CFAP70: variants seen among roughly 807,000 people sequenced by gnomAD.
The protein encoded by CFAP70 is cilia and flagella associated protein 70.
A neutral mutation model predicts 137.6 loss-of-function variants in CFAP70; 81 were observed. The ratio of observed to expected loss-of-function variants is 0.59; its 90% CI spans 0.49 to 0.71. The LOEUF is 0.71. Among genes scored for constraint, CFAP70 ranks in the 30% least tolerant of loss-of-function variants. The pLI, the probability that CFAP70 is intolerant of heterozygous loss-of-function variation, is 0.00. For synonymous variants in CFAP70, 382 were observed against 423.6 expected, an observed-to-expected ratio of 0.90 and a Z score of 1.20; for missense variants, 976 against 1,226.7, an observed-to-expected ratio of 0.80 and a Z score of 3.05.
chr10:73,348,313 A>G, intron 4 of CFAP70, 78 bp from the exon 5 acceptor site: 1 of 1,546,158 alleles, frequency 6.5e-7, no homozygotes, highest in South Asian at 1.1e-5. Flanking sequence ...AAATGTGCCT[A>G]CTTTTCCCCT....
intron 2 of CFAP70, among the ~76,000 whole-genome samples, chr10:73,354,283 G>C (rs967981479): frequency 1.3e-5 from 2 of 152,120 alleles, no homozygotes; most frequent in Non-Finnish European, 2.9e-5. Context: ...TTAAAACAAA[G>C]TGGAGCTCAT....
intron 14 of CFAP70, among the ~76,000 whole-genome samples, chr10:73,297,865 G>T (rs967075906): frequency 6.6e-6 from 1 of 152,128 alleles, no homozygotes; most frequent in African/African-American, 2.4e-5. Flanking sequence ...GTTAGGTAAA[G>T]AAACTGAGGC....
chr10:73,265,166 A>C (rs1035095145), intron 25 of CFAP70, among the ~76,000 whole-genome samples: 1 of 152,162 alleles, frequency 6.6e-6, no homozygotes, highest in Admixed American at 6.5e-5. Context: ...TCTACTAAAA[A>C]TACAAAAAAT....
chr10:73,360,027 A>G (rs1279087341), upstream of CFAP70, among the ~76,000 whole-genome samples: 2 of 152,210 alleles, frequency 1.3e-5, no homozygotes, highest in African/African-American at 2.4e-5. Flanking sequence ...TGACAACTAA[A>G]TTCAATATGT....
At chr10:73,298,970 C>T (rs1479859623) in exon 14 of CFAP70, 1 of 1,613,950 alleles carries the variant, frequency 6.2e-7, no homozygotes, top group Non-Finnish European at 8.5e-7. Context: ...TGAGCTGGCA[C>T]TTCTGCTCCT....
chr10:73,255,662 A>G (rs2044414871), intron 26 of CFAP70, among the ~76,000 whole-genome samples: 1 of 151,998 alleles, frequency 6.6e-6, no homozygotes, highest in African/African-American at 2.4e-5. Context: ...ACGGAGCCTC[A>G]GCCTCCAGAG....
chr10:73,331,190 C>A (rs1017536115), exon 8 of CFAP70: 2 of 1,610,122 alleles, frequency 1.2e-6, no homozygotes, highest in Non-Finnish European at 1.7e-6. Flanking sequence ...TTCAGTTTTG[C>A]CAGCTTTCCC....
intron 25 of CFAP70, among the ~76,000 whole-genome samples, chr10:73,263,989 T>C (rs1396070982): frequency 3.9e-5 from 6 of 152,244 alleles, no homozygotes; most frequent in Non-Finnish European, 7.3e-5. Context: ...TAGATTCTTA[T>C]TTGTAATCCT....
At chr10:73,286,565 T>C (rs1426195317) in intron 19 of CFAP70, among the ~76,000 whole-genome samples, 1 of 152,030 alleles carries the variant, frequency 6.6e-6, no homozygotes, top group African/African-American at 2.4e-5. Context: ...CCTGACAATA[T>C]GAACCAAAAC....
intron 25 of CFAP70, among the ~76,000 whole-genome samples, chr10:73,264,866 A>G (rs1185758929): frequency 6.6e-6 from 1 of 152,208 alleles, no homozygotes; most frequent in Non-Finnish European, 1.5e-5. Flanking sequence ...TTTTTTAAAA[A>G]ATATACGAAA....
At chr10:73,286,965 G>A (rs887728536) in intron 19 of CFAP70, among the ~76,000 whole-genome samples, 12 of 152,186 alleles carry the variant, frequency 7.9e-5, no homozygotes, top group South Asian at 2.1e-4. Flanking sequence ...GTTTAAGAAC[G>A]CCTTAAGCAG....
chr10:73,339,978 T>C (rs1397252839), intron 6 of CFAP70, among the ~76,000 whole-genome samples: 1 of 152,248 alleles, frequency 6.6e-6, no homozygotes, highest in Non-Finnish European at 1.5e-5. Flanking sequence ...CCGCAGGTCC[T>C]GAGTTCTTGT....
chr10:73,343,384 C>T (rs554152014), intron 5 of CFAP70, among the ~76,000 whole-genome samples: 134 of 151,952 alleles, frequency 8.8e-4, no homozygotes, highest in African/African-American at 3.0e-3. Context: ...TCAGGCAGGA[C>T]GGGAAGCTGG....
intron 19 of CFAP70, among the ~76,000 whole-genome samples, chr10:73,286,258 C>A (rs187656762): frequency 6.6e-5 from 10 of 152,210 alleles, no homozygotes; most frequent in Non-Finnish European, 1.5e-4. Flanking sequence ...GCCTGGCGAA[C>A]ATGGTGAAAC....
intron 6 of CFAP70, among the ~76,000 whole-genome samples, chr10:73,338,957 A>T (rs1487184992): frequency 2.7e-5 from 4 of 146,142 alleles, no homozygotes; most frequent in Non-Finnish European, 4.5e-5. Flanking sequence ...TCTCGCTCTG[A>T]CACTCAGGCT....
intron 12 of CFAP70, among the ~76,000 whole-genome samples, chr10:73,304,714 T>C (rs2049236129): frequency 6.6e-6 from 1 of 152,050 alleles, no homozygotes; most frequent in South Asian, 2.1e-4. Flanking sequence ...TAATAAATAG[T>C]CTCCAAGGTA....
At chr10:73,340,973 C>G (rs974275709) in intron 6 of CFAP70, among the ~76,000 whole-genome samples, 1 of 152,118 alleles carries the variant, frequency 6.6e-6, no homozygotes, top group African/African-American at 2.4e-5. Flanking sequence ...CTCCATGGAG[C>G]GTGTAGGCCC....
intron 1 of CFAP70, 29 bp from the exon 2 acceptor site, chr10:73,354,864 C>T: frequency 7.4e-7 from 1 of 1,346,594 alleles, no homozygotes; most frequent in Non-Finnish European, 1.1e-6. Context: ...AACCTGTCCC[C>T]TCATGTACCA....
chr10:73,322,257 T>G (rs1589475955), intron 9 of CFAP70, among the ~76,000 whole-genome samples: 1 of 152,190 alleles, frequency 6.6e-6, no homozygotes, highest in Non-Finnish European at 1.5e-5. Context: ...ATCCCTAATA[T>G]TTTCCTCTCA....
Sources: allele counts gnomAD v4.1 joint callset (sites outside exome capture counted in the v4.1 genomes callset), GRCh38; gene constraint gnomAD v4.1.1; transcripts MANE v1.5; gene names NCBI Gene and HGNC (gene_info 2026-07-23, HGNC 2026-07-21).